The following ADCY1 variants were observed in gnomAD, a reference collection of about 807,000 sequenced individuals.
ADCY1 encodes adenylate cyclase 1.
A neutral mutation model predicts 105.4 loss-of-function variants in ADCY1; 28 were observed. The ratio of observed to expected loss-of-function variants is 0.27; its 90% CI spans 0.20 to 0.36. The LOEUF is 0.36. Among genes scored for constraint, ADCY1 ranks in the 10% least tolerant of loss-of-function variants. The pLI, the probability that ADCY1 is intolerant of heterozygous loss-of-function variation, is 1.00. For synonymous variants in ADCY1, 655 were observed against 623.8 expected (o/e 1.05, Z -0.75); for missense variants, 977 against 1,434.2 (o/e 0.68, Z 5.15).
intron 14 of ADCY1, among the ~76,000 whole-genome samples, chr7:45,697,241 T>C (rs73694834): frequency 0.026 from 3,970 of 152,242 alleles, 176 homozygotes; most frequent in African/African-American, 0.091. Context: ...TTATGGAGTC[T>C]GGATGCTGTC....
In ADCY1 at chr7:45,708,485, C is replaced by A; in HGVS notation, c.2932+21C>A. On this transcript the variant is annotated intron_variant, in intron 18 of 19. Transcript: ENST00000297323. The surrounding 1 kb of genome is among the most constrained non-coding windows in gnomAD (Gnocchi z 4.7). ...AGTTGGTATGTGGCTCTAAACCTAT[C>A]CTGTCCATCCATGTGGAACACCTTC... is the stretch of plus-strand genomic sequence containing the variant. 6.4e-7 allele frequency: 1 copy of A among 1,567,348 alleles called. No homozygotes were observed. The highest frequency in any genetic ancestry group is 8.8e-7 in the Non-Finnish European group (1 of 1,137,698).
rs1388263620 is a variant in ADCY1, at chr7:45,574,603, C to T, written c.60C>T (p.Gly20=). 2 of 1,118,392 alleles carry T rather than the reference C, an allele frequency of 1.8e-6. No individual in the cohort carries two copies. The highest frequency in any genetic ancestry group is 8.6e-5 in the South Asian group (2 of 23,336). 69.3% of individuals were successfully genotyped at this position (1,118,392 alleles called of 1,614,324 possible). The change falls in exon 1 of 20, where the codon GGC becomes GGT. Residue 20 remains glycine, a synonymous_variant. Transcript: ENST00000297323. This position sits in a 1 kb window ranked among gnomAD's most constrained non-coding sequence, Gnocchi z 7.0. ...GGGGGAGEPG[G]AERAAGTSRR... is the part of the protein sequence containing the mutation. ...GAGGCGGCGCGGGCGAGCCCGGGGG[C>T]GCCGAGCGGGCGGCCGGGACAAGCC...
chr7:45,716,525 C>T lies in ADCY1; in HGVS notation c.*2530C>T, dbSNP rs1785361473. On this transcript the variant is annotated 3_prime_UTR_variant, in exon 20 of 20. Transcript: ENST00000297323. ...GTGCGGTGGTGGTGAGTGTGGCTGCCCTGGCTCCCCCAGCTCACCGTGGTG... is the reference window on the plus strand; with the variant it reads ...GTGCGGTGGTGGTGAGTGTGGCTGCTCTGGCTCCCCCAGCTCACCGTGGTG... 1.3e-5 allele frequency: 2 copies of T among 152,994 alleles called. No individual in the cohort carries two copies. Among genetic ancestry groups the T allele is most frequent in the African/African-American group, 4.8e-5 (2 of 41,456 alleles). 9.5% of individuals were successfully genotyped at this position (152,994 alleles called of 1,614,324 possible).
In ADCY1 at chr7:45,583,937, G is replaced by GTTTT. The variant is rs869216986; in HGVS notation, c.639+8780_639+8783dup. On this transcript the variant is annotated intron_variant, in intron 1 of 19. Coordinates refer to ENST00000297323, the MANE Select transcript of ADCY1 (RefSeq NM_021116.4). Reference sequence around the variant, plus strand: ...TTACAGGCATGAGCCACTGTGCCCTGTTTTTTTTTTTTTTTTTTTTTTTTT... The same window carrying GTTTT: ...TTACAGGCATGAGCCACTGTGCCCTGTTTTTTTTTTTTTTTTTTTTTTTTTTTTT... Among the ~76,000 whole-genome samples, 192 of 56,870 alleles carry GTTTT rather than the reference G, an allele frequency of 3.4e-3. 23 individuals carry two copies. Among genetic ancestry groups the GTTTT allele is most frequent in the Middle Eastern group, 0.011 (1 of 92 alleles). The allele number at this position is 56,870 out of a possible 152,430, so 37.3% of individuals were successfully genotyped here.
intron 6 of ADCY1, 104 bp downstream of exon 6, chr7:45,657,989 T>TG: frequency 7.7e-7 from 1 of 1,296,626 alleles, no homozygotes; most frequent in Non-Finnish European, 1.1e-6. Context: ...TGAGGGCACT[T>TG]GTGTGAGTGC....
At chr7:45,596,716 A>G (rs896729274) in intron 2 of ADCY1, among the ~76,000 whole-genome samples, 3 of 152,196 alleles carry the variant, frequency 2.0e-5, no homozygotes, top group Non-Finnish European at 4.4e-5. Flanking sequence ...GCTCCCATGC[A>G]CGGTGTTTGA....
chr7:45,679,814 C>T (rs188502277), intron 11 of ADCY1, 21 bp downstream of exon 11: 234 of 1,612,598 alleles, frequency 1.5e-4, no homozygotes, highest in Non-Finnish European at 1.8e-4. Context: ...GGCCTGTGTC[C>T]TGTACCTGCA....
intron 5 of ADCY1, among the ~76,000 whole-genome samples, chr7:45,652,542 G>A (rs35435140): frequency 0.19 from 28,608 of 152,180 alleles, 3,296 homozygotes; most frequent in Middle Eastern, 0.32. Flanking sequence ...TTGTTTTATC[G>A]CTTTGAAGAA....
In ADCY1 at chr7:45,574,739, G is replaced by A; in HGVS notation, c.196G>A (p.Ala66Thr). The A allele has an allele frequency of 7.0e-7, 1 of 1,424,752 alleles. No homozygotes were observed. Among genetic ancestry groups the A allele is most frequent in the Non-Finnish European group, 9.1e-7 (1 of 1,098,780 alleles). 88.3% of individuals were successfully genotyped at this position (1,424,752 alleles called of 1,614,324 possible). A position where few individuals can be genotyped will look rare whatever the true frequency, so the allele number is the denominator to read the frequency against. Reference sequence around the variant, plus strand: ...GCAGGCGGCCACGCTGAAGGCGCTGGCCGTTCTCAGCCTGCTGGCGGGCGC... The same window carrying A: ...GCAGGCGGCCACGCTGAAGGCGCTGACCGTTCTCAGCCTGCTGGCGGGCGC... ...LEQAATLKAL[A>T]VLSLLAGALA... The change falls in exon 1 of 20, where the codon GCC (alanine) becomes ACC (threonine). Residue 66 changes from alanine to threonine, a missense_variant. By Grantham distance (58) the Ala-to-Thr change is moderately conservative. Transcript: ENST00000297323. The surrounding 1 kb of genome is among the most constrained non-coding windows in gnomAD (Gnocchi z 7.0).
At chr7:45,638,712 G>A (rs1794459106) in intron 4 of ADCY1, among the ~76,000 whole-genome samples, 1 of 151,550 alleles carries the variant, frequency 6.6e-6, no homozygotes, top group African/African-American at 2.4e-5. Flanking sequence ...CCTCAGATGT[G>A]CTCACGTTGT....
intron 5 of ADCY1, among the ~76,000 whole-genome samples, chr7:45,652,066 C>T (rs1794825401): frequency 6.6e-6 from 1 of 152,084 alleles, no homozygotes; most frequent in African/African-American, 2.4e-5. Context: ...TGGCGGAAGG[C>T]AAAGGGGAGG....
At position 45,574,408 on chromosome 7, in the gene ADCY1, A is replaced by G. The variant is rs1188296473; in HGVS notation, c.-136A>G. ...CGCGCGCGGGGCAGCCGGCGCCCCA[A>G]CTCCGCCCGCCCCGCGCCCCGCGCC... On this transcript the variant is annotated 5_prime_UTR_variant, in exon 1 of 20. Coordinates refer to ENST00000297323, the MANE Select transcript of ADCY1 (RefSeq NM_021116.4). This position sits in a 1 kb window ranked among gnomAD's most constrained non-coding sequence, Gnocchi z 7.0. 8 of 115,712 alleles carry G rather than the reference A, an allele frequency of 6.9e-5. 2 individuals are homozygous for G. The highest frequency in any genetic ancestry group is 5.8e-4 in the Admixed American group (7 of 12,018). The allele number at this position is 115,712 out of a possible 1,614,324, so 7.2% of individuals were successfully genotyped here.
chr7:45,622,129 C>T (rs1305348351), intron 3 of ADCY1, among the ~76,000 whole-genome samples: 1 of 152,136 alleles, frequency 6.6e-6, no homozygotes, highest in Non-Finnish European at 1.5e-5. Context: ...CCCCTTTGCC[C>T]AGGAATTCGG....
chr7:45,711,992 T>TAA (rs1393940219), intron 19 of ADCY1, among the ~76,000 whole-genome samples: 141 of 117,056 alleles, frequency 1.2e-3, no homozygotes, highest in Non-Finnish European at 2.0e-3. Context: ...AATATATATT[T>TAA]TATATATTAT....
rs757940957 is a variant in ADCY1 at position 45,678,281 on chromosome 7, C to T, written c.1898+18C>T. ...TTCCCACAGTGAGTATTTCTATCAA[C>T]GAGGTGAGGAACTCACCAAGAAGTC... On this transcript the variant is annotated intron_variant, in intron 10 of 19. Transcript: ENST00000297323. 1.7e-5 allele frequency: 28 copies of T among 1,606,566 alleles called. No homozygotes were observed. The highest frequency in any genetic ancestry group is 6.7e-5 in the Admixed American group (4 of 59,986).
chr7:45,582,773 A>G (rs777386252), intron 1 of ADCY1, among the ~76,000 whole-genome samples: 2 of 151,830 alleles, frequency 1.3e-5, no homozygotes, highest in South Asian at 2.1e-4. Flanking sequence ...CTGTCCTCCT[A>G]CCCCATGTGT....
At chr7:45,705,755 A>T (rs1562733011) in intron 17 of ADCY1, among the ~76,000 whole-genome samples, 1 of 152,334 alleles carries the variant, frequency 6.6e-6, no homozygotes, top group East Asian at 1.9e-4. Context: ...ACTGAGAAGG[A>T]ATCTGCTTGC....
chr7:45,578,924 A>G (rs1039984243), intron 1 of ADCY1, among the ~76,000 whole-genome samples: 13 of 152,210 alleles, frequency 8.5e-5, no homozygotes, highest in African/African-American at 2.7e-4. Context: ...TGTGCAAATT[A>G]TATGCTTTCA....
At chr7:45,664,283 CTGT>C in intron 8 of ADCY1, 1 of 1,536,068 alleles carries the variant, frequency 6.5e-7, no homozygotes, top group African/African-American at 1.4e-5. Flanking sequence ...GATGCCTCTC[CTGT>C]AGGTTCAGAT....
Sources: gnomAD v4.1 joint callset for allele counts (sites outside exome capture counted in the v4.1 genomes callset) on GRCh38, gnomAD v4.1.1 for gene constraint, Gnocchi (gnomAD v3.1) non-coding constraint, MANE v1.5 for transcripts, NCBI Gene and HGNC (gene_info 2026-07-23, HGNC 2026-07-21) for gene names.